LRP2: variants seen among roughly 807,000 people sequenced by gnomAD.
The protein encoded by LRP2 is low-density lipoprotein receptor-related protein 2.
Under a neutral mutation model 531.0 loss-of-function variants are expected in LRP2, and 172 were observed. That is an observed-to-expected ratio of 0.32 (90% CI 0.29 to 0.37). The LOEUF is 0.37. Among genes scored for constraint, LRP2 ranks in the 10% least tolerant of loss-of-function variants. The pLI, the probability that LRP2 is intolerant of heterozygous loss-of-function variation, is 1.00. For synonymous variants in LRP2, 1,992 were observed against 2,027.6 expected (o/e 0.98, Z 0.47); for missense variants, 5,167 against 5,868.3 (o/e 0.88, Z 3.90).
At chr2:169,298,193 AATCATC>A (rs3083159) in intron 4 of LRP2, among the ~76,000 whole-genome samples, 6,729 of 150,498 alleles carry the variant, frequency 0.045, 178 homozygotes, top group Non-Finnish European at 0.055. Context: ...TTAAACAAGC[AATCATC>A]ATCATCATCA....
chr2:169,185,870 G>T lies in LRP2; in HGVS notation c.9478C>A (p.Pro3160Thr), dbSNP rs1424345675. 3.7e-6 allele frequency: 6 copies of T among 1,613,768 alleles called. No homozygotes were observed. Among genetic ancestry groups the T allele is most frequent in the Non-Finnish European group, 5.1e-6 (6 of 1,179,988 alleles). ...CVDIDECTEM[P>T]FVCSQKCENV... ...TCACACTTCTGGCTACAGACAAAAGGCATCTCTGTGCATTCATCAATATCA... is the reference window on the plus strand; with the variant it reads ...TCACACTTCTGGCTACAGACAAAAGTCATCTCTGTGCATTCATCAATATCA... The change falls in exon 50 of 79, where the codon CCT (proline) becomes ACT (threonine). Residue 3160 changes from proline (P) to threonine (T), a missense_variant. Coordinates refer to ENST00000649046, the MANE Select transcript of LRP2 (RefSeq NM_004525.3).
At chr2:169,343,712 T>C (rs145645608) in intron 1 of LRP2, among the ~76,000 whole-genome samples, 1 of 152,268 alleles carries the variant, frequency 6.6e-6, no homozygotes, top group Non-Finnish European at 1.5e-5. Flanking sequence ...CCAGAAAGGG[T>C]TTGGCCACAG....
Position 169,351,451 on chromosome 2 carries a change from A to G in LRP2, c.79+10870T>C, listed in dbSNP as rs115004251. Among the ~76,000 whole-genome samples, 731 of 152,368 alleles carry G rather than the reference A, an allele frequency of 4.8e-3. 4 individuals carry two copies. The highest frequency in any genetic ancestry group is 8.7e-3 in the Non-Finnish European group (591 of 68,030). On this transcript the variant is annotated intron_variant, in intron 1 of 78. Transcript: ENST00000649046. ...GGTGAGAGGGAATGAGATCTAGAAC[A>G]TGAATGAAATGGTTGGACTTAAGAA...
chr2:169,350,928 T>C (rs1225642641), intron 1 of LRP2, among the ~76,000 whole-genome samples: 1 of 151,956 alleles, frequency 6.6e-6, no homozygotes, highest in Non-Finnish European at 1.5e-5. Context: ...CTCCCTGAAT[T>C]GGGAAACCAC....
intron 34 of LRP2, among the ~76,000 whole-genome samples, chr2:169,217,081 A>T (rs2105348634): frequency 6.6e-6 from 1 of 152,294 alleles, no homozygotes; most frequent in African/African-American, 2.4e-5. Flanking sequence ...ACCACACAGC[A>T]TTGCCAAATC....
intron 8 of LRP2, among the ~76,000 whole-genome samples, chr2:169,290,256 A>G (rs1472614411): frequency 7.4e-6 from 1 of 135,540 alleles, no homozygotes; most frequent in African/African-American, 2.7e-5. Context: ...TAACCCAGGA[A>G]CCAGAAGCTT....
At chr2:169,141,717 A>G (rs564850074) in intron 71 of LRP2, among the ~76,000 whole-genome samples, 1 of 152,360 alleles carries the variant, frequency 6.6e-6, no homozygotes, top group South Asian at 2.1e-4. Flanking sequence ...TGGCAAAACA[A>G]TCTATCCACA....
At position 169,127,976 on chromosome 2, in the gene LRP2, A is replaced by G. The variant is rs2105320963; in HGVS notation, c.*687T>C. The G allele has an allele frequency of 6.5e-6, 1 of 152,756 alleles. No homozygotes were observed. The highest frequency in any genetic ancestry group is 1.5e-5 in the Non-Finnish European group (1 of 68,088). 9.5% of individuals were successfully genotyped at this position (152,756 alleles called of 1,614,324 possible). Reference sequence around the variant, plus strand: ...TTCCTCATAGACATCACAAATAAAAATGTTGTCTTGGCAGCTAGTGAGAGA... The same window carrying G: ...TTCCTCATAGACATCACAAATAAAAGTGTTGTCTTGGCAGCTAGTGAGAGA... On this transcript the variant is annotated 3_prime_UTR_variant, in exon 79 of 79. Transcript: ENST00000649046.
At chr2:169,357,267 T>TTTTC (rs1491492896) in intron 1 of LRP2, among the ~76,000 whole-genome samples, 10 of 87,248 alleles carry the variant, frequency 1.1e-4, no homozygotes, top group African/African-American at 6.9e-4. Context: ...CTTTCTTTTC[T>TTTTC]TTTTTTTTTC....
intron 61 of LRP2, 147 bp downstream of exon 61, chr2:169,168,392 G>T: frequency 1.1e-6 from 1 of 928,736 alleles, no homozygotes. Flanking sequence ...GAAGCTGGAA[G>T]ACCCAGTGAA....
chr2:169,156,117 C>T (rs923611496), intron 65 of LRP2, among the ~76,000 whole-genome samples, 157 bp downstream of exon 65: 4 of 151,324 alleles, frequency 2.6e-5, no homozygotes, highest in Admixed American at 6.6e-5. Flanking sequence ...AGAGAAGGAG[C>T]GACTAAAGAG....
At chr2:169,150,080 C>A (rs1178387461) in intron 68 of LRP2, among the ~76,000 whole-genome samples, 3 of 152,138 alleles carry the variant, frequency 2.0e-5, no homozygotes, top group African/African-American at 7.2e-5. Flanking sequence ...ACAGGTTAAT[C>A]TCATCAGTCA....
intron 1 of LRP2, among the ~76,000 whole-genome samples, chr2:169,360,544 G>T (rs982281268): frequency 1.3e-5 from 2 of 152,046 alleles, no homozygotes; most frequent in African/African-American, 4.8e-5. Context: ...TATCTGTTTT[G>T]GTTGTACAAG....
chr2:169,247,922 C>T (rs1297887205), intron 19 of LRP2, among the ~76,000 whole-genome samples: 1 of 152,210 alleles, frequency 6.6e-6, no homozygotes, highest in Non-Finnish European at 1.5e-5. Flanking sequence ...GTGAAGGAGA[C>T]AGTCTGAATC....
Position 169,132,621 on chromosome 2 carries a change from T to C in LRP2, c.13681A>G (p.Ile4561Val). ...GAAGTTGGGTTTGTCTCTGGAACTA[T>C]CTCAGAAGGGTTTATGGGACTTCCA... ...NYGSPINPSE[I>V]VPETNPTSPA... is the part of the protein sequence containing the mutation. The change falls in exon 77 of 79, where the codon ATA becomes GTA. Residue 4561 changes from isoleucine to valine, a missense_variant. Ile to Val is a conservative substitution (Grantham distance 29). Around this residue, in one of 6 missense-constraint regions of LRP2, gnomAD observed 348 missense variants for 369.3 expected, o/e 0.94. Transcript: ENST00000649046. The C allele has an allele frequency of 6.2e-7, 1 of 1,611,966 alleles. No individual in the cohort carries two copies. The highest frequency in any genetic ancestry group is 8.5e-7 in the Non-Finnish European group (1 of 1,178,038).
intron 77 of LRP2, among the ~76,000 whole-genome samples, chr2:169,130,769 G>A (rs1173871820): frequency 6.6e-6 from 1 of 152,182 alleles, no homozygotes; most frequent in Non-Finnish European, 1.5e-5. Flanking sequence ...ACATAACATG[G>A]AAGACACATT....
Position 169,347,531 on chromosome 2 carries a change from T to C in LRP2, c.79+14790A>G, listed in dbSNP as rs185961149. On this transcript the variant is annotated intron_variant, in intron 1 of 78. Transcript: ENST00000649046. ...TGCTGTCCCTAACGGAAGGTTAAAA[T>C]TGAACTCTCTGATTAGGTAAGGGTC... Among the ~76,000 whole-genome samples the C allele has an allele frequency of 3.3e-3, 502 of 151,794 alleles. 3 individuals carry two copies. The highest frequency in any genetic ancestry group is 3.6e-3 in the Non-Finnish European group (244 of 67,972).
At chr2:169,247,587 C>T in intron 19 of LRP2, 72 bp from the exon 20 acceptor site, 1 of 1,524,168 alleles carries the variant, frequency 6.6e-7, no homozygotes, top group Non-Finnish European at 9.1e-7. Context: ...TGAGAAAATG[C>T]AATAGGCTTG....
At chr2:169,310,855 C>A (rs1354913389) in intron 3 of LRP2, among the ~76,000 whole-genome samples, 1 of 152,030 alleles carries the variant, frequency 6.6e-6, no homozygotes, top group Admixed American at 6.6e-5. Context: ...TTGGTAGCCT[C>A]TTAATTATTG....
Sources: allele counts gnomAD v4.1 joint callset (sites outside exome capture counted in the v4.1 genomes callset), GRCh38; gene constraint gnomAD v4.1.1; regional missense constraint gnomAD v4.1.1; transcripts MANE v1.5; gene names NCBI Gene and HGNC (gene_info 2026-07-23, HGNC 2026-07-21).